Variants in ZDHHC11B observed in about 807,000 individuals in gnomAD.
The protein encoded by ZDHHC11B is zDHHC palmitoyltransferase 11B (putative).
ZDHHC11B carries 17 observed loss-of-function variants against 42.3 expected under a neutral mutation model. The observed-to-expected ratio is 0.40, with a 90% CI of 0.27 to 0.60. The LOEUF (loss-of-function observed/expected upper bound fraction) is 0.60. Ranked by LOEUF, ZDHHC11B falls within the 20% of genes least tolerant of loss-of-function variation. The pLI is 0.41. For missense variants in ZDHHC11B, 262 were observed against 463.2 expected (o/e 0.57, Z 3.99); for synonymous variants, 123 against 193.5 (o/e 0.64, Z 3.02).
intron 12 of ZDHHC11B, among the ~76,000 whole-genome samples, chr5:726,320 T>C (rs1350093983): frequency 6.6e-6 from 1 of 150,994 alleles, no homozygotes; most frequent in African/African-American, 2.5e-5. Context: ...TAGAAGGCTG[T>C]GAGTGAGTCT....
At position 778,735 on chromosome 5, in the gene ZDHHC11B, T is replaced by C. The variant is rs559745876; in HGVS notation, c.-230+5933A>G. On this transcript the variant is annotated intron_variant, in intron 1 of 13. Transcript: ENST00000508859. ...GAGATCATCTTGGATTATCCACAGC[T>C]GAGCCCTAAATCCAATGGTGAGTGT... 1.3e-4 allele frequency among the ~76,000 whole-genome samples: 19 copies of C among 152,000 alleles called. No homozygotes were observed. The East Asian group carries it at 3.1e-3, about 25-fold the overall frequency.
In ZDHHC11B at chr5:763,241, C is replaced by T. The variant is rs182464138; in HGVS notation, c.222+3457G>A. Among the ~76,000 whole-genome samples, 28 of 151,552 alleles carry T rather than the reference C, an allele frequency of 1.8e-4. No homozygotes were observed. The Middle Eastern group carries it at 0.014, about 74-fold the overall frequency. ...AAAATTAGCTGGGCGTGGTGGCACA[C>T]ACCTGTAGTCCCAGATACTCAGGAG... On this transcript the variant is annotated intron_variant, in intron 4 of 13. Coordinates refer to ENST00000508859, the MANE Select transcript of ZDHHC11B (RefSeq NM_001351303.2).
chr5:756,356 A>G (rs1226825307), intron 4 of ZDHHC11B, among the ~76,000 whole-genome samples: 7 of 151,074 alleles, frequency 4.6e-5, no homozygotes, highest in Non-Finnish European at 1.0e-4. Flanking sequence ...TTGGCCCTTC[A>G]CACACAGCCC....
chr5:750,423 G>A (rs994036816), intron 7 of ZDHHC11B, among the ~76,000 whole-genome samples: 6 of 143,122 alleles, frequency 4.2e-5, no homozygotes, highest in Middle Eastern at 3.3e-3. Flanking sequence ...CCATCCTCAC[G>A]AGGCCCCCTC....
rs72503650 is a variant in ZDHHC11B, at chr5:784,710, G to C, written c.-272C>G. On this transcript the variant is annotated 5_prime_UTR_variant, in exon 1 of 14. Transcript: ENST00000508859. ...TGCAGCGGAGGCTCCCCCGCGACCC[G>C]GCCGCGCGCGACCAAGTGCTCAGCG... 0.19 allele frequency among the ~76,000 whole-genome samples: 28,119 copies of C among 145,462 alleles called. 3,280 individuals carry two copies. Among genetic ancestry groups the C allele is most frequent in the African/African-American group, 0.39 (14,991 of 38,904 alleles).
chr5:737,516 C>T (rs397723723), intron 10 of ZDHHC11B, among the ~76,000 whole-genome samples: 14 of 148,508 alleles, frequency 9.4e-5, no homozygotes, highest in East Asian at 2.1e-4. Flanking sequence ...AACTACAGAC[C>T]AATATCCCTC....
intron 7 of ZDHHC11B, among the ~76,000 whole-genome samples, chr5:750,717 C>T (rs1287625547): frequency 7.9e-6 from 1 of 126,132 alleles, no homozygotes; most frequent in Non-Finnish European, 1.7e-5. Context: ...GCCTACAGCC[C>T]AGCACCCTCA....
chr5:732,982 A>G (rs1743145544), intron 11 of ZDHHC11B, among the ~76,000 whole-genome samples: 1 of 151,736 alleles, frequency 6.6e-6, no homozygotes, highest in South Asian at 2.1e-4. Context: ...GCTTGAGCCC[A>G]GGAGTTGGAG....
chr5:713,309 TAA>T (rs1741508905), intron 13 of ZDHHC11B, among the ~76,000 whole-genome samples: 1 of 152,048 alleles, frequency 6.6e-6, no homozygotes, highest in African/African-American at 2.4e-5. Flanking sequence ...ATATTTCTCA[TAA>T]GTTTTATTTG....
chr5:765,971 T>C (rs1050600103), intron 4 of ZDHHC11B, among the ~76,000 whole-genome samples: 6 of 152,044 alleles, frequency 3.9e-5, no homozygotes, highest in Middle Eastern at 3.4e-3. Context: ...TTCAGAAATA[T>C]GGTTCCAGTG....
chr5:776,998 C>G (rs1162300552), intron 1 of ZDHHC11B, among the ~76,000 whole-genome samples: 1 of 151,868 alleles, frequency 6.6e-6, no homozygotes, highest in Non-Finnish European at 1.5e-5. Context: ...GTTTTGAGTC[C>G]GTGCCTTTCC....
At chr5:778,713 A>T (rs544664065) in intron 1 of ZDHHC11B, among the ~76,000 whole-genome samples, 227 of 151,866 alleles carry the variant, frequency 1.5e-3, no homozygotes, top group Middle Eastern at 6.8e-3. Flanking sequence ...TGGAAATGAG[A>T]TCATCTTGGA....
chr5:715,384 G>A (rs944723318), intron 13 of ZDHHC11B, among the ~76,000 whole-genome samples: 2 of 151,284 alleles, frequency 1.3e-5, no homozygotes, highest in Non-Finnish European at 2.9e-5. Flanking sequence ...ATGGTGGGAG[G>A]AGCACGTAGA....
At chr5:736,645 T>A (rs1407045968) in intron 10 of ZDHHC11B, among the ~76,000 whole-genome samples, 1 of 138,806 alleles carries the variant, frequency 7.2e-6, no homozygotes, top group Non-Finnish European at 1.5e-5. Context: ...GGGAATAAAT[T>A]GATAATTAAC....
intron 1 of ZDHHC11B, among the ~76,000 whole-genome samples, chr5:775,871 G>A (rs1006434824): frequency 6.0e-5 from 9 of 149,394 alleles, no homozygotes; most frequent in African/African-American, 1.2e-4. Context: ...AGGTTGGAGG[G>A]GTGGGGGCCG....
At chr5:775,987 C>T (rs1180487247) in intron 1 of ZDHHC11B, among the ~76,000 whole-genome samples, 1 of 147,434 alleles carries the variant, frequency 6.8e-6, no homozygotes, top group African/African-American at 2.6e-5. Context: ...CTGGTCCTCT[C>T]TCCATGGGCA....
intron 13 of ZDHHC11B, among the ~76,000 whole-genome samples, chr5:714,976 T>C (rs1741642309): frequency 6.6e-6 from 1 of 151,118 alleles, no homozygotes; most frequent in African/African-American, 2.4e-5. Flanking sequence ...CTTCGCCTCC[T>C]CTCTCTCCAT....
intron 1 of ZDHHC11B, among the ~76,000 whole-genome samples, chr5:776,674 T>G (rs1157109389): frequency 6.6e-6 from 1 of 151,688 alleles, no homozygotes; most frequent in Non-Finnish European, 1.5e-5. Context: ...GCGGAAGGAG[T>G]GGACAGAGCC....
At chr5:712,865 G>C (rs528450911) in intron 13 of ZDHHC11B, among the ~76,000 whole-genome samples, 9 of 151,278 alleles carry the variant, frequency 5.9e-5, no homozygotes, top group Non-Finnish European at 1.3e-4. Flanking sequence ...GCCAAGATTG[G>C]GCCACTGCAC....
Sources: allele counts gnomAD v4.1 joint callset (sites outside exome capture counted in the v4.1 genomes callset), GRCh38; gene constraint gnomAD v4.1.1; transcripts MANE v1.5; gene names NCBI Gene and HGNC (gene_info 2026-07-23, HGNC 2026-07-21).